AMZ1: variants seen among roughly 807,000 people sequenced by gnomAD.
The protein encoded by AMZ1 is archaemetzincin-1.
Under a neutral mutation model 29.9 loss-of-function variants are expected in AMZ1, and 39 were observed. That is an observed-to-expected ratio of 1.30 (90% CI 1.01 to 1.70). The LOEUF is 1.70. AMZ1 is among the 40% of genes most tolerant of loss of function. The probability of loss-of-function intolerance (pLI) is 0.00; values close to 1 mark genes in which losing one functional copy is unlikely to be tolerated. For missense variants in AMZ1, 1,041 were observed against 680.6 expected (o/e 1.53, Z -5.89); for synonymous variants, 458 against 304.0 (o/e 1.51, Z -5.27).
At chr7:2,754,025 G>C (rs1010020269) in intron 4 of AMZ1, among the ~76,000 whole-genome samples, 1 of 152,144 alleles carries the variant, frequency 6.6e-6, no homozygotes, top group African/African-American at 2.4e-5. Context: ...AAACCCTTAA[G>C]TTCAGCGTTA....
At chr7:2,682,416 G>T (rs1786915788) in intron 1 of AMZ1, among the ~76,000 whole-genome samples, 1 of 152,186 alleles carries the variant, frequency 6.6e-6, no homozygotes, top group Admixed American at 6.5e-5. Flanking sequence ...CGATGCGAGG[G>T]TCCTTAGCTT....
intron 1 of AMZ1, among the ~76,000 whole-genome samples, chr7:2,696,298 C>T (rs914436035): frequency 2.0e-5 from 3 of 148,126 alleles, no homozygotes; most frequent in African/African-American, 7.5e-5. Context: ...GCTCTGTCAC[C>T]CAGGCTGGAG....
At chr7:2,724,556 C>T (rs564371151), downstream of AMZ1, among the ~76,000 whole-genome samples, 6 of 152,008 alleles carry the variant, frequency 3.9e-5, no homozygotes, top group Non-Finnish European at 7.4e-5. Flanking sequence ...ACCCCACCCA[C>T]GAGGGCCAGG....
chr7:2,729,070 G>T (rs1394096411), intron 4 of AMZ1: 1 of 152,394 alleles, frequency 6.6e-6, no homozygotes, highest in Admixed American at 6.5e-5. Context: ...GACAAGGCCG[G>T]ACTACTCAGG....
At chr7:2,748,599 G>C (rs1790878637) in intron 4 of AMZ1, among the ~76,000 whole-genome samples, 1 of 151,996 alleles carries the variant, frequency 6.6e-6, no homozygotes, top group Non-Finnish European at 1.5e-5. Context: ...CATAGGCATG[G>C]GCAAGGACTT....
rs199650069 is a variant in AMZ1, at chr7:2,731,487, G to T, written n.550+21671G>T. 110 of 1,613,744 alleles carry T rather than the reference G, an allele frequency of 6.8e-5. No homozygotes were observed. The highest frequency in any genetic ancestry group is 1.3e-5 in the African/African-American group (1 of 74,910). The stretch of plus-strand genomic sequence containing the variant: ...CGTTGAAGAAGAGCTTGTTGTTGAC[G>T]ATGGTCTCGAAGATGTTCATGGACT... On this transcript the variant is annotated intron_variant and non_coding_transcript_variant, in intron 4 of 4. Transcript: ENST00000489665. The surrounding 1 kb of genome is among the most constrained non-coding windows in gnomAD (Gnocchi z 6.0).
chr7:2,713,892 G>C lies in AMZ1; in HGVS notation c.*1014G>C, dbSNP rs1198492392. On this transcript the variant is annotated 3_prime_UTR_variant, in exon 7 of 7. Coordinates refer to ENST00000683327, the MANE Select transcript of AMZ1 (RefSeq NM_001384743.1). Reference sequence around the variant, plus strand: ...TGTCAGTACCAAGTAGCTGGAGGTGGTGATCAGATGATCTGTCTTTCCTTT... The same window carrying C: ...TGTCAGTACCAAGTAGCTGGAGGTGCTGATCAGATGATCTGTCTTTCCTTT... 1 of 152,230 alleles carries C rather than the reference G, an allele frequency of 6.6e-6. No homozygotes were observed. Among genetic ancestry groups the C allele is most frequent in the African/African-American group, 2.4e-5 (1 of 41,450 alleles). The allele number at this position is 152,230 out of a possible 1,614,324, so 9.4% of individuals were successfully genotyped here. A position where few individuals can be genotyped will look rare whatever the true frequency, so the allele number is the denominator to read the frequency against.
intron 5 of AMZ1, 148 bp downstream of exon 5, chr7:2,709,392 A>G: frequency 9.5e-7 from 1 of 1,057,030 alleles, no homozygotes; most frequent in Non-Finnish European, 1.3e-6. Flanking sequence ...CTACACAGCT[A>G]TGAAGCAGCA....
intron 4 of AMZ1, among the ~76,000 whole-genome samples, chr7:2,755,275 A>G (rs57065076): frequency 0.026 from 3,947 of 152,304 alleles, 130 homozygotes; most frequent in Middle Eastern, 0.075. Flanking sequence ...TACAATAATC[A>G]CATCCATGTC....
chr7:2,712,743 A>G lies in AMZ1; in HGVS notation c.1362A>G (p.Pro454=), dbSNP rs1475870964. 1 of 1,605,210 alleles carries G rather than the reference A, an allele frequency of 6.2e-7. No homozygotes were observed. Among genetic ancestry groups the G allele is most frequent in the Non-Finnish European group, 8.5e-7 (1 of 1,175,176 alleles). The part of the protein sequence containing the change: ...TGQLPATRQD[P]PSSRDSVGLR... ...AGCTCCCGGCCACCAGGCAGGACCC[A>G]CCCAGCAGCAGGGACAGCGTGGGGC... The change falls in exon 7 of 7, where the codon CCA becomes CCG. Residue 454 remains proline, a synonymous_variant. Transcript: ENST00000683327.
upstream of AMZ1, chr7:2,763,191 AACACACACAC>A (rs56384682): frequency 0.013 from 2,890 of 222,126 alleles, 70 homozygotes; most frequent in Admixed American, 0.071. Flanking sequence ...AAGACACCCC[AACACACACAC>A]ACACACACAC....
intron 4 of AMZ1, chr7:2,730,213 G>C (rs907314939): frequency 2.0e-5 from 3 of 152,412 alleles, no homozygotes; most frequent in African/African-American, 7.2e-5. Flanking sequence ...GAAGAGGAAT[G>C]TTTCTGAAAG....
rs768871360 is a variant in AMZ1, at chr7:2,712,911, A to G, written c.*33A>G. 2 of 1,507,116 alleles carry G rather than the reference A, an allele frequency of 1.3e-6. No homozygotes were observed. Among genetic ancestry groups the G allele is most frequent in the East Asian group, 4.6e-5 (2 of 43,522 alleles). The allele number at this position is 1,507,116 out of a possible 1,614,324, so 93.4% of individuals were successfully genotyped here. On this transcript the variant is annotated 3_prime_UTR_variant, in exon 7 of 7. Transcript: ENST00000683327. The stretch of plus-strand genomic sequence containing the variant: ...GGGGCTGCCCTACGTCTCCTTCCCT[A>G]AGGATGCTGGCCAGCACTGTCCAGT...
At chr7:2,748,211 A>G (rs1452343926) in intron 4 of AMZ1, among the ~76,000 whole-genome samples, 1 of 151,050 alleles carries the variant, frequency 6.6e-6, no homozygotes, top group Non-Finnish European at 1.5e-5. Flanking sequence ...AGTCAATCCT[A>G]AGCCAAAAGA....
intron 1 of AMZ1, among the ~76,000 whole-genome samples, chr7:2,696,451 G>GT (rs1461941575): frequency 2.0e-5 from 3 of 150,722 alleles, no homozygotes; most frequent in African/African-American, 4.9e-5. Flanking sequence ...TAGAGACGGG[G>GT]TTTCACCATG....
At position 2,719,129 on chromosome 7, in the gene AMZ1, C is replaced by CTT; in HGVS notation, c.*6253_*6254dup. ...GCGCCCCCTTGTGAGGGCTCGAGGC[C>CTT]TTTACTGGATGGGCAGGATGCGGGC... On this transcript the variant is annotated 3_prime_UTR_variant, in exon 7 of 7. Transcript: ENST00000683327. Among the ~76,000 whole-genome samples, 1 of 151,852 alleles carries CTT rather than the reference C, an allele frequency of 6.6e-6. No homozygotes were observed.
rs1332671961 is a variant in AMZ1 at position 2,719,176 on chromosome 7, C to A, written c.*6298C>A. 6.6e-6 allele frequency among the ~76,000 whole-genome samples: 1 copy of A among 152,190 alleles called. No homozygotes were observed. The highest frequency in any genetic ancestry group is 1.5e-5 in the Non-Finnish European group (1 of 68,022). Reference sequence around the variant, plus strand: ...GGGCAGCAGCTTTGTCGGCTGCCAACCCAACTCCTCCGACAGAACGGCAGG... The same window carrying A: ...GGGCAGCAGCTTTGTCGGCTGCCAAACCAACTCCTCCGACAGAACGGCAGG... On this transcript the variant is annotated 3_prime_UTR_variant, in exon 7 of 7. Transcript: ENST00000683327.
intron 4 of AMZ1, among the ~76,000 whole-genome samples, chr7:2,725,954 A>C (rs548522671): frequency 6.6e-6 from 1 of 152,156 alleles, no homozygotes; most frequent in Non-Finnish European, 1.5e-5. Flanking sequence ...GGTCTGGACC[A>C]GCTCCCCTGA....
In AMZ1 at chr7:2,702,479, T is replaced by C. The variant is rs1345505372; in HGVS notation, c.305-243T>C. The C allele has an allele frequency of 9.3e-6, 5 of 536,234 alleles. No individual in the cohort carries two copies. The East Asian group carries it at 9.8e-5, about 10-fold the overall frequency. The allele number at this position is 536,234 out of a possible 1,614,324, so 33.2% of individuals were successfully genotyped here. A position where few individuals can be genotyped will look rare whatever the true frequency, so the allele number is the denominator to read the frequency against. On this transcript the variant is annotated intron_variant, in intron 2 of 6. Transcript: ENST00000683327. The stretch of plus-strand genomic sequence containing the variant: ...TGCCTGCTCTCTCCCTGAGCTCATA[T>C]GCGATTGTCACTGCTGTCCTTTCAT...
Sources: allele counts gnomAD v4.1 joint callset (sites outside exome capture counted in the v4.1 genomes callset), GRCh38; gene constraint gnomAD v4.1.1; non-coding constraint Gnocchi (gnomAD v3.1); transcripts MANE v1.5; gene names NCBI Gene and HGNC (gene_info 2026-07-23, HGNC 2026-07-21).